RFX3: variants seen among roughly 807,000 people sequenced by gnomAD.
RFX3 encodes regulatory factor X3.
In RFX3, 14 loss-of-function variants were observed where a neutral mutation model predicts 98.6. The observed-to-expected ratio is 0.14, with a 90% CI of 0.09 to 0.22. The LOEUF (loss-of-function observed/expected upper bound fraction) is 0.22. RFX3 is among the 10% of genes least tolerant of loss of function. The pLI, the probability that RFX3 is intolerant of heterozygous loss-of-function variation, is 1.00. For synonymous variants in RFX3, 383 were observed against 328.4 expected, an observed-to-expected ratio of 1.17 and a Z score of -1.80; for missense variants, 639 against 926.9, an observed-to-expected ratio of 0.69 and a Z score of 4.03.
At chr9:3,436,861 A>C (rs1037609005) in intron 1 of RFX3, among the ~76,000 whole-genome samples, 2 of 151,990 alleles carry the variant, frequency 1.3e-5, no homozygotes, top group African/African-American at 4.8e-5. Flanking sequence ...TGAGCCAATA[A>C]ACTCCCTAAG....
rs1485267193 is a variant in RFX3 at position 3,224,961 on chromosome 9, C to T, written c.*81G>A. 3.7e-6 allele frequency: 5 copies of T among 1,368,546 alleles called. No homozygotes were observed. In the African/African-American group the frequency reaches 5.7e-5, roughly 16 times the overall value. 84.8% of individuals were successfully genotyped at this position (1,368,546 alleles called of 1,614,324 possible). On this transcript the variant is annotated 3_prime_UTR_variant, in exon 17 of 17. Coordinates refer to ENST00000617270, the MANE Select transcript of RFX3 (RefSeq NM_001282116.2). ...ACAGATAGAATTTGACAACAGTCGA[C>T]CTTCAGGCTTATTAAATTTTCAACT...
chr9:3,246,230 T>G (rs2130930507), intron 15 of RFX3, among the ~76,000 whole-genome samples: 1 of 152,324 alleles, frequency 6.6e-6, no homozygotes, highest in South Asian at 2.1e-4. Context: ...ATTTAGATTT[T>G]ACGTATATAT....
In RFX3 at chr9:3,410,895, A is replaced by C. The variant is rs374986510; in HGVS notation, c.-8-15299T>G. 3.9e-5 allele frequency among the ~76,000 whole-genome samples: 6 copies of C among 152,314 alleles called. No individual in the cohort carries two copies. The South Asian group carries it at 8.3e-4, about 21-fold the overall frequency. ...ATTGGTTTTTACTAGCTCATAAGTTACCCATGCCTAATTTACATAAAAGCA... is the reference window on the plus strand; with the variant it reads ...ATTGGTTTTTACTAGCTCATAAGTTCCCCATGCCTAATTTACATAAAAGCA... On this transcript the variant is annotated intron_variant, in intron 1 of 16. Transcript: ENST00000617270.
intron 1 of RFX3, among the ~76,000 whole-genome samples, chr9:3,398,145 A>G (rs1011247997): frequency 1.3e-5 from 2 of 152,176 alleles, no homozygotes; most frequent in African/African-American, 4.8e-5. Context: ...ACACACACAC[A>G]CAATCTTTGA....
At chr9:3,273,043 G>C (rs975350483) in intron 9 of RFX3, among the ~76,000 whole-genome samples, 1 of 152,058 alleles carries the variant, frequency 6.6e-6, no homozygotes, top group Non-Finnish European at 1.5e-5. Flanking sequence ...CTTCATTTGA[G>C]GCAGTTTTAC....
chr9:3,439,454 C>T (rs1231307062), intron 1 of RFX3, among the ~76,000 whole-genome samples: 1 of 151,872 alleles, frequency 6.6e-6, no homozygotes, highest in Non-Finnish European at 1.5e-5. Context: ...TATAAATTAG[C>T]AATTCCAGGA....
chr9:3,477,511 T>A (rs1255006896), intron 1 of RFX3, among the ~76,000 whole-genome samples: 2 of 152,186 alleles, frequency 1.3e-5, no homozygotes, highest in Non-Finnish European at 2.9e-5. Context: ...TCTTCTAGCC[T>A]CCAGGGTTTC....
At chr9:3,441,299 C>G (rs150560662) in intron 1 of RFX3, among the ~76,000 whole-genome samples, 3 of 151,480 alleles carry the variant, frequency 2.0e-5, no homozygotes, top group Non-Finnish European at 4.4e-5. Context: ...AAATGGACAG[C>G]TACAGAATTG....
At chr9:3,236,939 A>C (rs1398387593) in intron 15 of RFX3, among the ~76,000 whole-genome samples, 1 of 152,214 alleles carries the variant, frequency 6.6e-6, no homozygotes, top group Non-Finnish European at 1.5e-5. Flanking sequence ...GAAGATTTTT[A>C]AGCTGTCACA....
At chr9:3,498,542 C>T (rs547884246) in intron 1 of RFX3, among the ~76,000 whole-genome samples, 1 of 152,132 alleles carries the variant, frequency 6.6e-6, no homozygotes, top group East Asian at 1.9e-4. Context: ...TGTTGATAAA[C>T]TGTTTAAAAA....
At chr9:3,486,874 C>G (rs942541968) in intron 1 of RFX3, among the ~76,000 whole-genome samples, 2 of 151,992 alleles carry the variant, frequency 1.3e-5, no homozygotes, top group Admixed American at 1.3e-4. Context: ...TAGACTGTTA[C>G]AATAAGATTT....
rs867495438 is a variant in RFX3 at position 3,433,361 on chromosome 9, T to C, written c.-8-37765A>G. Among the ~76,000 whole-genome samples the C allele has an allele frequency of 1.4e-4, 21 of 152,308 alleles. No homozygotes were observed. In the Middle Eastern group the frequency reaches 0.01, roughly 74 times the overall value. ...ACTAGGATGAAGACTTTTATGATTA[T>C]CTACTCCCATTGAATGAATAGTAAA... On this transcript the variant is annotated intron_variant, in intron 1 of 16. Transcript: ENST00000617270.
At chr9:3,456,329 C>G (rs1437413462) in intron 1 of RFX3, among the ~76,000 whole-genome samples, 1 of 152,148 alleles carries the variant, frequency 6.6e-6, no homozygotes, top group African/African-American at 2.4e-5. Flanking sequence ...TGATCCGTGG[C>G]TAGTGTGATA....
intron 2 of RFX3, among the ~76,000 whole-genome samples, chr9:3,387,730 C>G (rs1037808990): frequency 1.3e-5 from 2 of 152,012 alleles, no homozygotes; most frequent in Admixed American, 1.3e-4. Context: ...ACTGTCCCCC[C>G]TCAGGGAACC....
At chr9:3,478,847 G>C (rs996026664) in intron 1 of RFX3, among the ~76,000 whole-genome samples, 2 of 152,102 alleles carry the variant, frequency 1.3e-5, no homozygotes, top group African/African-American at 4.8e-5. Context: ...CACAGCCTTA[G>C]GCAATTGACA....
At chr9:3,395,383 A>T in intron 2 of RFX3, 89 bp downstream of exon 2, 2 of 1,451,606 alleles carry the variant, frequency 1.4e-6, no homozygotes, top group African/African-American at 1.4e-5. Flanking sequence ...GCAAGACAGT[A>T]AAGTTCAAAT....
chr9:3,266,857 T>A (rs1823707838), intron 11 of RFX3, among the ~76,000 whole-genome samples: 1 of 152,018 alleles, frequency 6.6e-6, no homozygotes, highest in Admixed American at 6.6e-5. Context: ...GAATTGAAAT[T>A]TTTGGGCAAT....
In RFX3 at chr9:3,504,811, ATATATAT is replaced by A. The variant is rs909840445; in HGVS notation, c.-9+20929_-9+20935del. 2.1e-4 allele frequency among the ~76,000 whole-genome samples: 13 copies of A among 61,594 alleles called. 1 individual carries two copies. Among genetic ancestry groups the A allele is most frequent in the Non-Finnish European group, 3.8e-4 (12 of 31,648 alleles). 40.4% of individuals were successfully genotyped at this position (61,594 alleles called of 152,430 possible). A position where few individuals can be genotyped will look rare whatever the true frequency, so the allele number is the denominator to read the frequency against. On this transcript the variant is annotated intron_variant, in intron 1 of 16. Transcript: ENST00000617270. ...AAATATATATTATATTATATATAAA[ATATATAT>A]TATATATAAAATATGTATAAAATAT... is the stretch of plus-strand genomic sequence containing the variant.
intron 14 of RFX3, among the ~76,000 whole-genome samples, 174 bp downstream of exon 14, chr9:3,256,817 T>C (rs1303607909): frequency 1.3e-5 from 2 of 152,196 alleles, no homozygotes; most frequent in East Asian, 3.8e-4. Flanking sequence ...TCCTGGTACA[T>C]TTCCATGGTG....
Sources: gnomAD v4.1 joint callset for allele counts (sites outside exome capture counted in the v4.1 genomes callset) on GRCh38, gnomAD v4.1.1 for gene constraint, MANE v1.5 for transcripts, NCBI Gene and HGNC (gene_info 2026-07-23, HGNC 2026-07-21) for gene names.